TMEM68: variants seen among roughly 807,000 people sequenced by gnomAD.
TMEM68 encodes the protein DGAT1/2-independent enzyme synthesizing storage lipids.
TMEM68 carries 25 observed loss-of-function variants against 36.9 expected under a neutral mutation model. The observed-to-expected ratio is 0.68, with a 90% CI of 0.49 to 0.95. The LOEUF (loss-of-function observed/expected upper bound fraction) is 0.95. Ranked by LOEUF, TMEM68 falls within the 40% of genes least tolerant of loss-of-function variation. TMEM68 has a pLI of 0.00. For missense variants in TMEM68, 333 were observed against 392.0 expected, an observed-to-expected ratio of 0.85 and a Z score of 1.27; for synonymous variants, 131 against 124.4, an observed-to-expected ratio of 1.05 and a Z score of -0.35.
Position 55,743,196 on chromosome 8 carries a change from C to A in TMEM68, c.888+285G>T, listed in dbSNP as rs143907307. Among the ~76,000 whole-genome samples, 8 of 152,220 alleles carry A rather than the reference C, an allele frequency of 5.3e-5. No individual in the cohort carries two copies. In the East Asian group the frequency reaches 1.3e-3, roughly 26 times the overall value. Reference sequence around the variant, plus strand: ...ACTCCAGTCCAATATTTCCAAAAACCTATGCATAGGAATATATTCCTATCC... The same window carrying A: ...ACTCCAGTCCAATATTTCCAAAAACATATGCATAGGAATATATTCCTATCC... On this transcript the variant is annotated intron_variant, in intron 7 of 7. Coordinates refer to ENST00000434581, the MANE Select transcript of TMEM68 (RefSeq NM_001286657.2).
chr8:55,754,967 A>G (rs1810558077), intron 4 of TMEM68, among the ~76,000 whole-genome samples: 1 of 141,586 alleles, frequency 7.1e-6, no homozygotes, highest in Non-Finnish European at 1.5e-5. Context: ...ACACACACAC[A>G]CACACACACA....
At position 55,756,334 on chromosome 8, in the gene TMEM68, T is replaced by C. The variant is rs755598310; in HGVS notation, c.403A>G (p.Ile135Val). The C allele has an allele frequency of 6.2e-7, 1 of 1,605,712 alleles. No homozygotes were observed. The highest frequency in any genetic ancestry group is 8.5e-7 in the Non-Finnish European group (1 of 1,177,224). The change falls in exon 4 of 8, where the codon ATA (isoleucine) becomes GTA (valine). Residue 135 changes from isoleucine (I) to valine (V), a missense_variant. By Grantham distance (29) the Ile-to-Val change is conservative. Transcript: ENST00000434581. ...LIIFYHGAIP[I>V]DFYYFMAKIF... ...TTAGCCATGAAATAGTAAAAATCTA[T>C]AGGAATAGCTCCATGATAAAAAATT... is the stretch of plus-strand genomic sequence containing the variant.
intron 5 of TMEM68, among the ~76,000 whole-genome samples, chr8:55,749,557 T>C (rs1466088288): frequency 6.6e-6 from 1 of 152,180 alleles, no homozygotes; most frequent in East Asian, 1.9e-4. Flanking sequence ...CTGTGCAATG[T>C]AGTCAGGAAT....
intron 7 of TMEM68, 102 bp downstream of exon 7, chr8:55,743,377 ACC>A: frequency 7.3e-7 from 1 of 1,367,846 alleles, no homozygotes; most frequent in South Asian, 1.5e-5. Flanking sequence ...AGAACCACTG[ACC>A]TAGACATGCT....
At chr8:55,763,718 A>ATGTTTTTATT in intron 2 of TMEM68, 1 of 44,624 alleles carries the variant, frequency 2.2e-5, no homozygotes, top group Non-Finnish European at 6.0e-5. Flanking sequence ...AAAAGAAAAC[A>ATGTTTTTATT]TCAATATCTA....
intron 5 of TMEM68, among the ~76,000 whole-genome samples, chr8:55,749,635 C>G (rs1046385774): frequency 6.6e-6 from 1 of 152,134 alleles, no homozygotes; most frequent in African/African-American, 2.4e-5. Context: ...TGCTGAATGA[C>G]CAGATCCCTT....
intron 5 of TMEM68, 171 bp from the exon 6 acceptor site, chr8:55,745,292 G>T (rs1810237681): frequency 2.6e-6 from 1 of 380,794 alleles, no homozygotes; most frequent in Admixed American, 4.6e-5. Flanking sequence ...AGCAGGGTCG[G>T]GTCTCGTTAG....
At position 55,763,042 on chromosome 8, in the gene TMEM68, A is replaced by G. The variant is rs1810850269; in HGVS notation, c.-69-14T>C. Reference sequence around the variant, plus strand: ...CTAATTTTGACACTAGAAGGGAAAAATAATCCAGTATTATTTTCTCCACAG... The same window carrying G: ...CTAATTTTGACACTAGAAGGGAAAAGTAATCCAGTATTATTTTCTCCACAG... On this transcript the variant is annotated splice_polypyrimidine_tract_variant and intron_variant, in intron 2 of 7. Coordinates refer to ENST00000434581, the MANE Select transcript of TMEM68 (RefSeq NM_001286657.2). The G allele has an allele frequency of 7.2e-7, 1 of 1,392,134 alleles. No individual in the cohort carries two copies. The highest frequency in any genetic ancestry group is 1.5e-5 in the South Asian group (1 of 67,618). The allele number at this position is 1,392,134 out of a possible 1,614,324, so 86.2% of individuals were successfully genotyped here.
intron 5 of TMEM68, among the ~76,000 whole-genome samples, chr8:55,750,465 A>C (rs1274439052): frequency 6.6e-6 from 1 of 152,056 alleles, no homozygotes; most frequent in African/African-American, 2.4e-5. Flanking sequence ...CTAAAGTACA[A>C]TATGGAGACC....
chr8:55,746,544 A>G (rs1810284248), intron 5 of TMEM68: 1 of 152,274 alleles, frequency 6.6e-6, no homozygotes, highest in East Asian at 1.9e-4. Flanking sequence ...AAAAATATAC[A>G]TAATATACTG....
intron 1 of TMEM68, among the ~76,000 whole-genome samples, chr8:55,766,352 C>A (rs1213007144): frequency 6.7e-6 from 1 of 148,720 alleles, no homozygotes; most frequent in East Asian, 2.0e-4. Context: ...AGAGGCAACA[C>A]TGTAGAGCTT....
chr8:55,740,803 C>A (rs1311430817), intron 7 of TMEM68, among the ~76,000 whole-genome samples: 2 of 152,106 alleles, frequency 1.3e-5, no homozygotes, highest in Non-Finnish European at 2.9e-5. Context: ...AAGGGATCCT[C>A]CTGCCTTGGC....
intron 3 of TMEM68, among the ~76,000 whole-genome samples, chr8:55,759,390 G>A (rs918856341): frequency 2.6e-5 from 4 of 151,882 alleles, no homozygotes; most frequent in Non-Finnish European, 5.9e-5. Flanking sequence ...GGCCAACATG[G>A]TGAAACCCCA....
In TMEM68 at chr8:55,762,739, T is replaced by C. The variant is rs1196807106; in HGVS notation, c.221A>G (p.Tyr74Cys). The C allele has an allele frequency of 1.9e-6, 3 of 1,613,860 alleles. No homozygotes were observed. The highest frequency in any genetic ancestry group is 1.7e-5 in the Admixed American group (1 of 59,990). Reference sequence around the variant, plus strand: ...TTCTTTCAATACATTCTTTCTCTTATAAATGTGTAAGAAAATAATAGTAAG... The same window carrying C: ...TTCTTTCAATACATTCTTTCTCTTACAAATGTGTAAGAAAATAATAGTAAG... ...LYLTIIFLHI[Y>C]KRKNVLKEAY... Residue 74 changes from tyrosine to cysteine, a missense_variant, in exon 3 of 8, where the codon TAT becomes TGT. By Grantham distance (194) the Tyr-to-Cys change is radical. Coordinates refer to ENST00000434581, the MANE Select transcript of TMEM68 (RefSeq NM_001286657.2).
chr8:55,772,136 A>C (rs1006994813), intron 1 of TMEM68, among the ~76,000 whole-genome samples: 1 of 152,220 alleles, frequency 6.6e-6, no homozygotes, highest in African/African-American at 2.4e-5. Context: ...GAACCAACAA[A>C]ATCAGCCTAT....
At chr8:55,769,250 G>C (rs1373501573) in intron 1 of TMEM68, among the ~76,000 whole-genome samples, 1 of 141,938 alleles carries the variant, frequency 7.0e-6, no homozygotes. Flanking sequence ...TTGAACCCGG[G>C]AGGCAGAGGT....
intron 3 of TMEM68, among the ~76,000 whole-genome samples, chr8:55,757,171 G>A (rs570049294): frequency 6.6e-6 from 1 of 152,258 alleles, no homozygotes; most frequent in South Asian, 2.1e-4. Context: ...CCCTACTGAT[G>A]AGAAAAAGCC....
chr8:55,757,283 AC>A (rs1810635721), intron 3 of TMEM68, among the ~76,000 whole-genome samples: 1 of 152,204 alleles, frequency 6.6e-6, no homozygotes, highest in South Asian at 2.1e-4. Flanking sequence ...CTAAGGAAAG[AC>A]AAAAACTGAG....
chr8:55,766,568 G>T (rs551115092), intron 1 of TMEM68, among the ~76,000 whole-genome samples: 1 of 152,168 alleles, frequency 6.6e-6, no homozygotes, highest in African/African-American at 2.4e-5. Flanking sequence ...AGTAGAGACA[G>T]GGTTTCACCA....
Sources: allele counts gnomAD v4.1 joint callset (sites outside exome capture counted in the v4.1 genomes callset), GRCh38; gene constraint gnomAD v4.1.1; transcripts MANE v1.5; gene names NCBI Gene and HGNC (gene_info 2026-07-23, HGNC 2026-07-21).